Variants in SNX29 observed in about 807,000 individuals in gnomAD.
The protein encoded by SNX29 is sorting nexin 29, also known as sorting nexin-29.
SNX29 carries 78 observed loss-of-function variants against 102.1 expected under a neutral mutation model. The ratio of observed to expected loss-of-function variants is 0.76; its 90% CI spans 0.64 to 0.92. SNX29 has a LOEUF of 0.92. SNX29 is among the 40% of genes least tolerant of loss of function. The probability of loss-of-function intolerance (pLI) is 0.00; values close to 1 mark genes in which losing one functional copy is unlikely to be tolerated. For synonymous variants in SNX29, 580 were observed against 414.5 expected (o/e 1.40, Z -4.85); for missense variants, 1,280 against 1,061.7 (o/e 1.21, Z -2.86).
chr16:12,410,192 C>T (rs752734665), intron 18 of SNX29, among the ~76,000 whole-genome samples: 9 of 152,096 alleles, frequency 5.9e-5, no homozygotes, highest in South Asian at 2.1e-4. Flanking sequence ...GACAGGGTTT[C>T]GCTGTGTTAG....
Position 11,983,655 on chromosome 16 carries a change from G to A in SNX29, c.7+6842G>A, listed in dbSNP as rs181943427. On this transcript the variant is annotated intron_variant, in intron 1 of 20. Coordinates refer to ENST00000566228, the MANE Select transcript of SNX29 (RefSeq NM_032167.5). The stretch of plus-strand genomic sequence containing the variant: ...ACCCCCACCTCTGCTAGCAACTGGC[G>A]ATGGACTAGGTCCTACTGATGTTGG... 18 of 985,378 alleles carry A rather than the reference G, an allele frequency of 1.8e-5. No homozygotes were observed. The East Asian group carries it at 1.8e-3, about 99-fold the overall frequency. 61.0% of individuals were successfully genotyped at this position (985,378 alleles called of 1,614,324 possible). A position where few individuals can be genotyped will look rare whatever the true frequency, so the allele number is the denominator to read the frequency against.
intron 14 of SNX29, among the ~76,000 whole-genome samples, chr16:12,233,153 T>C (rs1379664149): frequency 6.6e-6 from 1 of 151,968 alleles, no homozygotes; most frequent in African/African-American, 2.4e-5. Context: ...TCCTCCTCCT[T>C]CCTCCCTCCT....
At chr16:12,234,529 C>T (rs146733721) in intron 14 of SNX29, among the ~76,000 whole-genome samples, 52 of 152,012 alleles carry the variant, frequency 3.4e-4, no homozygotes, top group African/African-American at 1.1e-3. Flanking sequence ...TTCATTTTCT[C>T]GATGGTGTCC....
At chr16:12,567,830 G>A (rs550163481) in intron 20 of SNX29, among the ~76,000 whole-genome samples, 67 of 152,158 alleles carry the variant, frequency 4.4e-4, no homozygotes, top group African/African-American at 6.3e-4. Flanking sequence ...CTGCTCTCAC[G>A]GTGAAGCCTC....
At chr16:12,312,357 G>A (rs1365934727) in intron 15 of SNX29, among the ~76,000 whole-genome samples, 3 of 152,214 alleles carry the variant, frequency 2.0e-5, no homozygotes, top group African/African-American at 7.2e-5. Context: ...TAGACACTTA[G>A]CAGAGGTTGA....
At chr16:12,069,341 C>T (rs999303109) in intron 10 of SNX29, among the ~76,000 whole-genome samples, 1 of 152,082 alleles carries the variant, frequency 6.6e-6, no homozygotes, top group Non-Finnish European at 1.5e-5. Context: ...TCTCGGCTCA[C>T]TGCAAACTCC....
Position 12,500,451 on chromosome 16 carries a change from C to T in SNX29, c.2178+22592C>T, listed in dbSNP as rs144694217. ...CAGGGCTGGGACTTCTGACAGGAGT[C>T]CGCCTCTCTGTAACCTCCACGGGCT... On this transcript the variant is annotated intron_variant, in intron 19 of 20. Transcript: ENST00000566228. 2.0e-4 allele frequency among the ~76,000 whole-genome samples: 30 copies of T among 152,284 alleles called. No homozygotes were observed. The East Asian group carries it at 5.2e-3, about 26-fold the overall frequency.
At chr16:12,350,475 G>A (rs1267866174) in intron 15 of SNX29, among the ~76,000 whole-genome samples, 1 of 152,136 alleles carries the variant, frequency 6.6e-6, no homozygotes, top group Non-Finnish European at 1.5e-5. Context: ...TGCTATCCGT[G>A]TGGAGTCCTG....
chr16:12,303,658 A>G (rs2080251950), intron 15 of SNX29, among the ~76,000 whole-genome samples: 1 of 152,244 alleles, frequency 6.6e-6, no homozygotes, highest in Admixed American at 6.5e-5. Flanking sequence ...CAAAAGTTCC[A>G]GAGGTTCTGT....
intron 18 of SNX29, chr16:12,443,164 T>A: frequency 7.8e-6 from 3 of 382,616 alleles, no homozygotes; most frequent in Non-Finnish European, 1.5e-5. Context: ...GTGGGCTTTC[T>A]CTGTCATGCT....
At chr16:12,290,438 A>G (rs1371116921) in intron 15 of SNX29, among the ~76,000 whole-genome samples, 1 of 152,086 alleles carries the variant, frequency 6.6e-6, no homozygotes, top group Admixed American at 6.5e-5. Flanking sequence ...ACTCTTGAAG[A>G]CTGATTCAGT....
At chr16:12,568,244 G>T (rs1257675107) in intron 20 of SNX29, among the ~76,000 whole-genome samples, 1 of 150,914 alleles carries the variant, frequency 6.6e-6, no homozygotes, top group African/African-American at 2.4e-5. Flanking sequence ...GACCGGAACG[G>T]TGGTACCATG....
chr16:12,474,846 AG>A (rs1165124277), intron 18 of SNX29, among the ~76,000 whole-genome samples: 2 of 152,232 alleles, frequency 1.3e-5, no homozygotes, highest in African/African-American at 4.8e-5. Context: ...GGCCTGTAAA[AG>A]GCTGGTGAAG....
chr16:12,059,454 C>G (rs1027849931), intron 8 of SNX29, among the ~76,000 whole-genome samples: 1 of 152,208 alleles, frequency 6.6e-6, no homozygotes, highest in Non-Finnish European at 1.5e-5. Context: ...TTCTTTTGCC[C>G]CCACCCTGCT....
In SNX29 at chr16:12,318,639, G is replaced by C. The variant is rs367904264; in HGVS notation, c.1783-37524G>C. On this transcript the variant is annotated intron_variant, in intron 15 of 20. Coordinates refer to ENST00000566228, the MANE Select transcript of SNX29 (RefSeq NM_032167.5). Reference sequence around the variant, plus strand: ...TGTAATCCTGTTCCTGGACCAAACCGAGGGTTGCGCTGCTTGTTCTTATGG... The same window carrying C: ...TGTAATCCTGTTCCTGGACCAAACCCAGGGTTGCGCTGCTTGTTCTTATGG... 2.6e-5 allele frequency among the ~76,000 whole-genome samples: 4 copies of C among 152,184 alleles called. No individual in the cohort carries two copies. The East Asian group carries it at 7.7e-4, about 29-fold the overall frequency.
At chr16:12,024,439 C>G (rs2057131582) in intron 3 of SNX29, among the ~76,000 whole-genome samples, 1 of 152,160 alleles carries the variant, frequency 6.6e-6, no homozygotes, top group East Asian at 1.9e-4. Flanking sequence ...AGCCACCGCA[C>G]CCAGTCGAGA....
chr16:12,382,473 C>A (rs2083202537), intron 16 of SNX29, among the ~76,000 whole-genome samples: 1 of 152,146 alleles, frequency 6.6e-6, no homozygotes, highest in Non-Finnish European at 1.5e-5. Context: ...GTCTATTTCC[C>A]CATCAGTAAA....
intron 18 of SNX29, chr16:12,442,955 C>T (rs931582508): frequency 6.6e-6 from 3 of 453,854 alleles, no homozygotes; most frequent in African/African-American, 6.0e-5. Flanking sequence ...ATACTTTGCC[C>T]ATGCTAAAGA....
intron 20 of SNX29, chr16:12,560,684 A>T (rs756130622): frequency 1.3e-5 from 2 of 158,550 alleles, no homozygotes; most frequent in East Asian, 1.5e-4. Context: ...GGATGCATTT[A>T]TATCTAGTCA....
Sources: gnomAD v4.1 joint callset for allele counts (sites outside exome capture counted in the v4.1 genomes callset) on GRCh38, gnomAD v4.1.1 for gene constraint, MANE v1.5 for transcripts, NCBI Gene and HGNC (gene_info 2026-07-23, HGNC 2026-07-21) for gene names.